ARID3B: variants seen among roughly 807,000 people sequenced by gnomAD.
ARID3B encodes the protein AT-rich interactive domain-containing protein 3B.
In ARID3B, 10 loss-of-function variants were observed where a neutral mutation model predicts 51.9. The observed-to-expected ratio is 0.19, with a 90% CI of 0.12 to 0.33. The LOEUF (loss-of-function observed/expected upper bound fraction) is 0.33. ARID3B is among the 10% of genes least tolerant of loss of function. The probability of loss-of-function intolerance (pLI) is 1.00; values close to 1 mark genes in which losing one functional copy is unlikely to be tolerated. For synonymous variants in ARID3B, 205 were observed against 279.5 expected (o/e 0.73, Z 2.66); for missense variants, 483 against 716.3 (o/e 0.67, Z 3.72).
intron 1 of ARID3B, among the ~76,000 whole-genome samples, chr15:74,541,630 G>C (rs1306956096): frequency 2.6e-5 from 4 of 152,032 alleles, no homozygotes; most frequent in Admixed American, 2.6e-4. Flanking sequence ...GGATTGGCTG[G>C]GAGGGTTGGT....
At chr15:74,586,736 AAGGCATGGT>A (rs1351261523) in intron 4 of ARID3B, among the ~76,000 whole-genome samples, 3 of 152,258 alleles carry the variant, frequency 2.0e-5, no homozygotes, top group Non-Finnish European at 4.4e-5. Flanking sequence ...TTAACACTAT[AAGGCATGGT>A]AGGCATGGTA....
intron 4 of ARID3B, among the ~76,000 whole-genome samples, chr15:74,578,476 T>C (rs1351054333): frequency 6.6e-6 from 1 of 152,148 alleles, no homozygotes; most frequent in Non-Finnish European, 1.5e-5. Context: ...AGCCCGGCTG[T>C]CTTTGTTCTT....
intron 2 of ARID3B, among the ~76,000 whole-genome samples, chr15:74,547,019 C>T (rs2061618303): frequency 6.6e-6 from 1 of 152,018 alleles, no homozygotes; most frequent in East Asian, 1.9e-4. Flanking sequence ...CTATAGAAAC[C>T]ATTACAGATC....
At chr15:74,551,053 A>G (rs533256611) in intron 2 of ARID3B, among the ~76,000 whole-genome samples, 9 of 152,352 alleles carry the variant, frequency 5.9e-5, no homozygotes, top group East Asian at 5.8e-4. Context: ...TGGAACCCAC[A>G]TATATTAAAA....
At chr15:74,580,216 G>A (rs2061756315) in intron 4 of ARID3B, among the ~76,000 whole-genome samples, 1 of 152,096 alleles carries the variant, frequency 6.6e-6, no homozygotes, top group Admixed American at 6.5e-5. Flanking sequence ...TGTTTCTTTG[G>A]CAAACATAAA....
At chr15:74,577,695 T>TG (rs144994380) in intron 4 of ARID3B, among the ~76,000 whole-genome samples, 9 of 151,136 alleles carry the variant, frequency 6.0e-5, no homozygotes, top group South Asian at 2.1e-4. Context: ...CTAATTTTTC[T>TG]GTTTTTTTGT....
At chr15:74,586,593 G>A (rs2061782396) in intron 4 of ARID3B, among the ~76,000 whole-genome samples, 1 of 152,250 alleles carries the variant, frequency 6.6e-6, no homozygotes, top group African/African-American at 2.4e-5. Context: ...ATCTCAGCCG[G>A]GTGCGTGGCT....
At chr15:74,555,786 CTTTTTTTTTTTT>C (rs869243539) in intron 2 of ARID3B, among the ~76,000 whole-genome samples, 2 of 95,116 alleles carry the variant, frequency 2.1e-5, no homozygotes, top group Non-Finnish European at 3.9e-5. Flanking sequence ...AGCTGTATTT[CTTTTTTTTTTTT>C]TTTTTTTTTT....
At chr15:74,548,845 T>G (rs4887157) in intron 2 of ARID3B, among the ~76,000 whole-genome samples, 252 of 152,256 alleles carry the variant, frequency 1.7e-3, no homozygotes, top group Middle Eastern at 0.014. Context: ...AAAGGGAATG[T>G]GATTTGAGAA....
chr15:74,571,887 T>C (rs2061720342), intron 2 of ARID3B, among the ~76,000 whole-genome samples: 1 of 152,162 alleles, frequency 6.6e-6, no homozygotes, highest in Admixed American at 6.5e-5. Flanking sequence ...GCGGATCACC[T>C]GAGGTCAGGA....
At chr15:74,570,149 A>G (rs1248987438) in intron 2 of ARID3B, among the ~76,000 whole-genome samples, 2 of 152,102 alleles carry the variant, frequency 1.3e-5, no homozygotes, top group African/African-American at 4.8e-5. Context: ...GCTCTGTGCA[A>G]GGCCTCACCA....
chr15:74,595,468 G>T, intron 8 of ARID3B, 143 bp from the exon 9 acceptor site: 2 of 895,666 alleles, frequency 2.2e-6, no homozygotes, highest in Non-Finnish European at 3.3e-6. Context: ...GACAGCATTT[G>T]GATCTTCTCC....
At chr15:74,570,184 G>A (rs974503153) in intron 2 of ARID3B, among the ~76,000 whole-genome samples, 1 of 152,076 alleles carries the variant, frequency 6.6e-6, no homozygotes, top group South Asian at 2.1e-4. Flanking sequence ...TCTCTTGCAG[G>A]TTGGACAAAG....
At chr15:74,550,554 AAGTT>A (rs949225056) in intron 2 of ARID3B, among the ~76,000 whole-genome samples, 3 of 151,846 alleles carry the variant, frequency 2.0e-5, no homozygotes, top group African/African-American at 4.8e-5. Flanking sequence ...AAAAAAAAAA[AAGTT>A]AGCTGGGCGT....
In ARID3B at chr15:74,596,037, G is replaced by C. The variant is rs1439283008; in HGVS notation, c.*263G>C. On this transcript the variant is annotated 3_prime_UTR_variant, in exon 9 of 9. Coordinates refer to ENST00000346246, the MANE Select transcript of ARID3B (RefSeq NM_006465.4). The stretch of plus-strand genomic sequence containing the variant: ...CTGGGTGGGGGTCTGTGGGTGTCCA[G>C]CTTCCTCCAGGGTTCCCCAGCCACC... The C allele has an allele frequency of 1.6e-5, 7 of 446,906 alleles. No homozygotes were observed. The highest frequency in any genetic ancestry group is 2.8e-5 in the Non-Finnish European group (7 of 253,374). 27.7% of individuals were successfully genotyped at this position (446,906 alleles called of 1,614,324 possible).
intron 4 of ARID3B, among the ~76,000 whole-genome samples, chr15:74,585,557 A>G (rs1296698741): frequency 6.6e-6 from 1 of 152,202 alleles, no homozygotes; most frequent in Non-Finnish European, 1.5e-5. Flanking sequence ...ATTTTTGTTT[A>G]TCGATTTATA....
chr15:74,564,672 C>T (rs1393403466), intron 2 of ARID3B, among the ~76,000 whole-genome samples: 1 of 152,178 alleles, frequency 6.6e-6, no homozygotes, highest in South Asian at 2.1e-4. Flanking sequence ...TCAATCATGA[C>T]TCATTGCAGC....
At chr15:74,569,402 C>T (rs555905057) in intron 2 of ARID3B, among the ~76,000 whole-genome samples, 1 of 152,174 alleles carries the variant, frequency 6.6e-6, no homozygotes, top group East Asian at 1.9e-4. Flanking sequence ...ACCTGGCCAA[C>T]ATGGCAAAAC....
chr15:74,589,802 C>A lies in ARID3B; in HGVS notation c.698-18C>A. The A allele has an allele frequency of 6.3e-7, 1 of 1,593,750 alleles. No individual in the cohort carries two copies. The highest frequency in any genetic ancestry group is 8.6e-7 in the Non-Finnish European group (1 of 1,166,988). The stretch of plus-strand genomic sequence containing the variant: ...GATGATGATCCCGCTGTCTCTTTCT[C>A]TCGTTGGACAACCACAGGGACCCCC... On this transcript the variant is annotated intron_variant, in intron 4 of 8. Coordinates refer to ENST00000346246, the MANE Select transcript of ARID3B (RefSeq NM_006465.4).
Sources: allele counts gnomAD v4.1 joint callset (sites outside exome capture counted in the v4.1 genomes callset), GRCh38; gene constraint gnomAD v4.1.1; transcripts MANE v1.5; gene names NCBI Gene and HGNC (gene_info 2026-07-23, HGNC 2026-07-21).